CHD7: variants seen among roughly 807,000 people sequenced by gnomAD.
CHD7 encodes the protein chromodomain helicase DNA binding protein 7.
CHD7 carries 24 observed loss-of-function variants against 307.3 expected under a neutral mutation model. The observed-to-expected ratio is 0.08, with a 90% confidence interval of 0.06 to 0.11. The LOEUF (loss-of-function observed/expected upper bound fraction) is 0.11, where lower values mean the gene tolerates loss of function less well. CHD7 is among the 10% of genes least tolerant of loss of function. The pLI, the probability that CHD7 is intolerant of heterozygous loss-of-function variation, is 1.00. For synonymous variants in CHD7, 1,363 were observed against 1,349.9 expected (o/e 1.01, Z -0.21); for missense variants, 3,106 against 3,727.1 (o/e 0.83, Z 4.34).
At chr8:60,830,742 G>A (rs1012139033) in intron 15 of CHD7, among the ~76,000 whole-genome samples, 165 bp downstream of exon 15, 1 of 152,184 alleles carries the variant, frequency 6.6e-6, no homozygotes, top group East Asian at 1.9e-4. Context: ...TCCTTCTGTG[G>A]TTGCTGAAGG....
chr8:60,772,505 C>CTG (rs1381370975), intron 2 of CHD7, among the ~76,000 whole-genome samples: 1 of 152,174 alleles, frequency 6.6e-6, no homozygotes, highest in African/African-American at 2.4e-5. Context: ...GGAAGCACTG[C>CTG]TGTTGTCTTT....
chr8:60,781,239 T>C lies in CHD7; in HGVS notation c.1905T>C (p.Asp635=). 1 of 1,582,940 alleles carries C rather than the reference T, an allele frequency of 6.3e-7. No individual in the cohort carries two copies. The highest frequency in any genetic ancestry group is 8.6e-7 in the Non-Finnish European group (1 of 1,164,182). ...DNQELNRNSL[D]GSQEEKKKKK... ...AAGAACTAAATAGGAACTCACTGGA[T>C]GGGTCCCAAGAAGAAAAAAAGAAAA... The change falls in exon 3 of 38, where the codon GAT becomes GAC. Residue 635 remains aspartate (D), a synonymous_variant. Transcript: ENST00000423902.
At chr8:60,760,992 A>G (rs1000589936) in intron 2 of CHD7, among the ~76,000 whole-genome samples, 51 of 152,246 alleles carry the variant, frequency 3.3e-4, no homozygotes, top group Non-Finnish European at 5.9e-4. Flanking sequence ...CCATTACTGG[A>G]TATATACCCA....
intron 12 of CHD7, among the ~76,000 whole-genome samples, chr8:60,823,184 A>C (rs1175834093): frequency 6.6e-6 from 1 of 152,184 alleles, no homozygotes; most frequent in African/African-American, 2.4e-5. Context: ...ACACATCCCA[A>C]GGGAGGAATT....
intron 1 of CHD7, among the ~76,000 whole-genome samples, chr8:60,735,446 C>G (rs767174613): frequency 6.6e-6 from 1 of 152,092 alleles, no homozygotes; most frequent in Non-Finnish European, 1.5e-5. Context: ...TAATATGATG[C>G]TTGGGGACAA....
intron 1 of CHD7, among the ~76,000 whole-genome samples, chr8:60,688,416 T>C (rs1353433501): frequency 6.6e-6 from 1 of 152,200 alleles, no homozygotes; most frequent in African/African-American, 2.4e-5. Context: ...TTACTTTTGT[T>C]TTAAAAAGTC....
At chr8:60,857,029 T>G in intron 34 of CHD7, 141 bp downstream of exon 34, 1 of 692,786 alleles carries the variant, frequency 1.4e-6, no homozygotes, top group Non-Finnish European at 2.3e-6. Flanking sequence ...AGTTTTACAA[T>G]AAACAGTCAT....
At position 60,828,899 on chromosome 8, in the gene CHD7, A is replaced by G. The variant is rs111691321; in HGVS notation, c.3522+93A>G. Reference sequence around the variant, plus strand: ...TTAAGTTATTTTAAAGTGTGATTATATTACAGTTTTTCCCACCTAGTACAC... The same window carrying G: ...TTAAGTTATTTTAAAGTGTGATTATGTTACAGTTTTTCCCACCTAGTACAC... On this transcript the variant is annotated intron_variant, in intron 14 of 37. Transcript: ENST00000423902. 6 of 1,222,622 alleles carry G rather than the reference A, an allele frequency of 4.9e-6. No homozygotes were observed. The African/African-American group carries it at 7.6e-5, about 15-fold the overall frequency. 75.7% of individuals were successfully genotyped at this position (1,222,622 alleles called of 1,614,324 possible). A position where few individuals can be genotyped will look rare whatever the true frequency, so the allele number is the denominator to read the frequency against.
At chr8:60,851,411 G>A (rs1805451483) in intron 28 of CHD7, 92 bp downstream of exon 28, 4 of 896,186 alleles carry the variant, frequency 4.5e-6, no homozygotes, top group Non-Finnish European at 7.3e-6. Context: ...CATGACAGCA[G>A]TGTCTTAACA....
chr8:60,849,197 T>C, intron 25 of CHD7, 43 bp downstream of exon 25: 3 of 1,268,554 alleles, frequency 2.4e-6, no homozygotes, highest in Non-Finnish European at 2.3e-6. Flanking sequence ...CTGTATGGCT[T>C]GGTCTTTATT....
intron 23 of CHD7, 37 bp from the exon 24 acceptor site, chr8:60,848,478 G>A (rs1805307327): frequency 6.7e-7 from 1 of 1,502,978 alleles, no homozygotes; most frequent in East Asian, 2.3e-5. Context: ...CAGTCCTGAA[G>A]TTAAGAACTT....
At chr8:60,837,954 G>A in intron 18 of CHD7, 119 bp downstream of exon 18, 3 of 1,259,468 alleles carry the variant, frequency 2.4e-6, no homozygotes, top group Non-Finnish European at 3.2e-6. Context: ...AGTGTATTTT[G>A]TAACACTTTC....
chr8:60,718,692 T>A (rs1807742573), intron 1 of CHD7, among the ~76,000 whole-genome samples: 1 of 151,998 alleles, frequency 6.6e-6, no homozygotes, highest in Admixed American at 6.5e-5. Context: ...GAAAGAAAAA[T>A]TAATTTTCAT....
chr8:60,814,550 A>G (rs1193583958), intron 7 of CHD7, among the ~76,000 whole-genome samples: 2 of 152,236 alleles, frequency 1.3e-5, no homozygotes, highest in East Asian at 1.9e-4. Flanking sequence ...GGTTCAAGCA[A>G]TTCTCCCGCC....
At chr8:60,850,876 A>G in intron 26 of CHD7, 156 bp from the exon 27 acceptor site, 1 of 686,816 alleles carries the variant, frequency 1.5e-6, no homozygotes, top group Non-Finnish European at 2.4e-6. Context: ...CCACACTGCC[A>G]TGGCTGCATG....
intron 7 of CHD7, among the ~76,000 whole-genome samples, chr8:60,815,139 C>A (rs1333442085): frequency 6.6e-6 from 1 of 152,030 alleles, no homozygotes; most frequent in African/African-American, 2.4e-5. Flanking sequence ...ATTTAAAATC[C>A]TTTTTTCCCT....
At chr8:60,694,163 A>G (rs1259634991) in intron 1 of CHD7, among the ~76,000 whole-genome samples, 1 of 152,274 alleles carries the variant, frequency 6.6e-6, no homozygotes, top group Non-Finnish European at 1.5e-5. Context: ...TGTGAGGCTT[A>G]TAACAGAATC....
intron 2 of CHD7, among the ~76,000 whole-genome samples, chr8:60,759,050 TGAA>T (rs1399615864): frequency 6.6e-6 from 1 of 152,308 alleles, no homozygotes; most frequent in East Asian, 1.9e-4. Flanking sequence ...TAGTATATTA[TGAA>T]AAAGTGCTGA....
intron 2 of CHD7, among the ~76,000 whole-genome samples, chr8:60,774,883 G>A (rs1810878022): frequency 6.6e-6 from 1 of 152,122 alleles, no homozygotes; most frequent in Non-Finnish European, 1.5e-5. Context: ...GAATGCTGTT[G>A]GACAGTTCCT....
Sources: allele counts gnomAD v4.1 joint callset (sites outside exome capture counted in the v4.1 genomes callset), GRCh38; gene constraint gnomAD v4.1.1; transcripts MANE v1.5; gene names NCBI Gene and HGNC (gene_info 2026-07-23, HGNC 2026-07-21).